The following HNF4G variants were observed in gnomAD, a reference collection of about 807,000 sequenced individuals.
The protein encoded by HNF4G is hepatocyte nuclear factor 4-gamma.
Under a neutral mutation model 50.9 loss-of-function variants are expected in HNF4G, and 21 were observed. That is an observed-to-expected ratio of 0.41 (90% confidence interval 0.29 to 0.59). The LOEUF is 0.59. Among genes scored for constraint, HNF4G ranks in the 20% least tolerant of loss-of-function variants. The probability of loss-of-function intolerance (pLI) is 0.26; values close to 1 mark genes in which losing one functional copy is unlikely to be tolerated. For synonymous variants in HNF4G, 198 were observed against 185.6 expected (o/e 1.07, Z -0.54); for missense variants, 527 against 559.4 (o/e 0.94, Z 0.58).
intron 1 of HNF4G, among the ~76,000 whole-genome samples, chr8:75,477,774 T>C (rs543193968): frequency 4.0e-5 from 6 of 150,694 alleles, no homozygotes; most frequent in Admixed American, 2.6e-4. Context: ...TTAAGACCAG[T>C]CTGACCGATA....
chr8:75,542,192 C>A (rs1015661457), intron 1 of HNF4G, among the ~76,000 whole-genome samples: 4 of 152,002 alleles, frequency 2.6e-5, no homozygotes, highest in Non-Finnish European at 5.9e-5. Context: ...GTAGCCCCAA[C>A]TACTCGGGAG....
chr8:75,477,952 A>G (rs1287960023), intron 1 of HNF4G, among the ~76,000 whole-genome samples: 3 of 151,726 alleles, frequency 2.0e-5, no homozygotes, highest in Non-Finnish European at 4.4e-5. Flanking sequence ...GGGCAACAAG[A>G]GCGAAACTCC....
intron 8 of HNF4G, among the ~76,000 whole-genome samples, chr8:75,559,689 T>C (rs1007010715): frequency 6.6e-6 from 1 of 152,114 alleles, no homozygotes; most frequent in Non-Finnish European, 1.5e-5. Flanking sequence ...TATGACCTCT[T>C]CAAATATATC....
chr8:75,511,614 C>T (rs554654790), intron 2 of HNF4G, among the ~76,000 whole-genome samples: 3 of 152,270 alleles, frequency 2.0e-5, no homozygotes, highest in East Asian at 1.9e-4. Flanking sequence ...TTTTTTGAGA[C>T]GAAGTCTCGC....
rs1019648259 is a variant in HNF4G at position 75,566,405 on chromosome 8, T to C, written c.*2309T>C. On this transcript the variant is annotated 3_prime_UTR_variant, in exon 10 of 10. Coordinates refer to ENST00000396423, the MANE Select transcript of HNF4G (RefSeq NM_004133.5). ...TACCTTTGAAGTATAAAAGATAAAA[T>C]TCATTTTTAGTGAACCCTGTAATTT... 3 of 152,644 alleles carry C rather than the reference T, an allele frequency of 2.0e-5. No homozygotes were observed. Among genetic ancestry groups the C allele is most frequent in the African/African-American group, 7.2e-5 (3 of 41,546 alleles). 9.5% of individuals were successfully genotyped at this position (152,644 alleles called of 1,614,324 possible).
intron 1 of HNF4G, among the ~76,000 whole-genome samples, chr8:75,465,924 C>T (rs924415048): frequency 6.6e-6 from 1 of 152,128 alleles, no homozygotes; most frequent in Non-Finnish European, 1.5e-5. Flanking sequence ...ATAGACTCTT[C>T]ACTTTGTTCC....
intron 2 of HNF4G, among the ~76,000 whole-genome samples, chr8:75,509,967 A>G (rs1247181071): frequency 1.3e-5 from 2 of 152,160 alleles, no homozygotes; most frequent in Non-Finnish European, 2.9e-5. Flanking sequence ...AAAAATTACT[A>G]TAAAAGAGCC....
At chr8:75,483,627 G>C (rs1812432164) in intron 1 of HNF4G, among the ~76,000 whole-genome samples, 1 of 152,016 alleles carries the variant, frequency 6.6e-6, no homozygotes, top group Admixed American at 6.6e-5. Flanking sequence ...ACATACCATT[G>C]GTGCAACTCT....
At chr8:75,465,436 G>A (rs953020773) in intron 1 of HNF4G, among the ~76,000 whole-genome samples, 7 of 152,038 alleles carry the variant, frequency 4.6e-5, no homozygotes, top group African/African-American at 1.2e-4. Context: ...AATCTTGAAG[G>A]CAATATTTTA....
At chr8:75,515,814 G>C (rs993587945) in intron 2 of HNF4G, among the ~76,000 whole-genome samples, 6 of 151,540 alleles carry the variant, frequency 4.0e-5, no homozygotes, top group African/African-American at 7.3e-5. Context: ...TGCCCAGGCT[G>C]GAGTGCAATG....
chr8:75,550,700 CT>C (rs34842850), intron 3 of HNF4G, among the ~76,000 whole-genome samples: 96,437 of 147,676 alleles, frequency 0.65, 32,565 homozygotes, highest in African/African-American at 0.86. Context: ...TTACATTACT[CT>C]TTTTTTTTTT....
intron 1 of HNF4G, chr8:75,485,783 A>G (rs1036790992): frequency 2.0e-5 from 3 of 152,054 alleles, no homozygotes; most frequent in African/African-American, 7.2e-5. Context: ...TTTTTCTTCC[A>G]GTGATTGCTG....
intron 1 of HNF4G, among the ~76,000 whole-genome samples, chr8:75,436,003 G>T (rs1585840992): frequency 6.6e-6 from 1 of 152,062 alleles, no homozygotes; most frequent in Non-Finnish European, 1.5e-5. Flanking sequence ...GCATTCATGT[G>T]CATTTGTATA....
chr8:75,488,184 G>A (rs1812537246), intron 1 of HNF4G, among the ~76,000 whole-genome samples: 1 of 152,180 alleles, frequency 6.6e-6, no homozygotes, highest in Admixed American at 6.5e-5. Flanking sequence ...TTGGACTCCA[G>A]AAACAAGGGC....
intron 2 of HNF4G, among the ~76,000 whole-genome samples, chr8:75,531,790 C>A (rs1435878586): frequency 6.6e-6 from 1 of 152,010 alleles, no homozygotes; most frequent in Non-Finnish European, 1.5e-5. Context: ...AGATTATATG[C>A]AAATACTATG....
chr8:75,491,212 G>T lies in HNF4G; in HGVS notation c.-24+1004G>T. 1.3e-5 allele frequency among the ~76,000 whole-genome samples: 2 copies of T among 152,110 alleles called. 1 individual carries two copies. The highest frequency in any genetic ancestry group is 2.9e-5 in the Non-Finnish European group (2 of 68,024). The stretch of plus-strand genomic sequence containing the variant: ...AAGGATTATTGGAAGAATAAATGTG[G>T]TATATTTGGAGTGTTAGAACGGGCA... On this transcript the variant is annotated intron_variant, in intron 2 of 10. Transcript: ENST00000354370.
intron 1 of HNF4G, among the ~76,000 whole-genome samples, chr8:75,448,176 C>T (rs1255142709): frequency 2.3e-4 from 31 of 133,570 alleles, no homozygotes; most frequent in Non-Finnish European, 3.8e-4. Context: ...AGTAAACTAT[C>T]GCAAGAACAA....
intron 1 of HNF4G, among the ~76,000 whole-genome samples, chr8:75,489,549 T>G (rs1812572797): frequency 6.6e-6 from 1 of 152,196 alleles, no homozygotes; most frequent in Admixed American, 6.5e-5. Context: ...GCCTACTGCT[T>G]TATAGTTACA....
At chr8:75,498,333 A>T (rs1170960603) in intron 2 of HNF4G, among the ~76,000 whole-genome samples, 1 of 152,168 alleles carries the variant, frequency 6.6e-6, no homozygotes, top group Non-Finnish European at 1.5e-5. Flanking sequence ...TTCTAGGAAG[A>T]CACAAAGTAT....
Sources: gnomAD v4.1 joint callset for allele counts (sites outside exome capture counted in the v4.1 genomes callset) on GRCh38, gnomAD v4.1.1 for gene constraint, MANE v1.5 for transcripts, NCBI Gene and HGNC (gene_info 2026-07-23, HGNC 2026-07-21) for gene names.